The following PIK3C2B variants were observed in gnomAD, a reference collection of about 807,000 sequenced individuals.
PIK3C2B encodes phosphatidylinositol 4-phosphate 3-kinase C2 domain-containing subunit beta.
In PIK3C2B, 83 loss-of-function variants were observed where a neutral mutation model predicts 184.3. That is an observed-to-expected ratio of 0.45 (90% CI 0.38 to 0.54). The LOEUF is 0.54. PIK3C2B is among the 20% of genes least tolerant of loss of function. The probability of loss-of-function intolerance (pLI) is 0.00; values close to 1 mark genes in which losing one functional copy is unlikely to be tolerated. For missense variants in PIK3C2B, 1,736 were observed against 2,113.5 expected, an observed-to-expected ratio of 0.82 and a Z score of 3.50; for synonymous variants, 779 against 837.6, an observed-to-expected ratio of 0.93 and a Z score of 1.21.
intron 1 of PIK3C2B, among the ~76,000 whole-genome samples, chr1:204,473,989 CTTTT>C (rs71145092): frequency 1.7e-5 from 2 of 115,164 alleles, no homozygotes; most frequent in Non-Finnish European, 3.3e-5. Context: ...CTCCCCTTGA[CTTTT>C]TTTTTTTTTT....
intron 12 of PIK3C2B, 32 bp from the exon 13 acceptor site, chr1:204,450,049 G>A: frequency 6.6e-7 from 1 of 1,516,886 alleles, no homozygotes. Context: ...ATTAGGAGGG[G>A]CCACTCCTGT....
chr1:204,456,996 C>A, intron 10 of PIK3C2B, 41 bp downstream of exon 10: 1 of 1,546,450 alleles, frequency 6.5e-7, no homozygotes, highest in African/African-American at 1.4e-5. Context: ...CTGCAGTTTT[C>A]GGCAGCCCGA....
intron 2 of PIK3C2B, among the ~76,000 whole-genome samples, chr1:204,468,350 G>T (rs751279855): frequency 9.9e-5 from 15 of 152,216 alleles, no homozygotes; most frequent in Non-Finnish European, 2.9e-5. Flanking sequence ...GCTATTGCTT[G>T]CTGTGTGGCT....
chr1:204,447,000 G>A (rs566876302), intron 15 of PIK3C2B, among the ~76,000 whole-genome samples: 103 of 152,090 alleles, frequency 6.8e-4, no homozygotes, highest in African/African-American at 2.4e-3. Context: ...CCTGAGAGCT[G>A]CCAGCTTGCC....
Position 204,464,050 on chromosome 1 carries a change from A to G in PIK3C2B, c.1272T>C (p.Phe424=). 3 of 1,614,186 alleles carry G rather than the reference A, an allele frequency of 1.9e-6. No individual in the cohort carries two copies. Among genetic ancestry groups the G allele is most frequent in the South Asian group, 1.1e-5 (1 of 91,086 alleles). Residue 424 remains phenylalanine, a synonymous_variant, in exon 5 of 33, where the codon TTT becomes TTC. Transcript: ENST00000684373. ...CCTCCAGCCCGCAGGGCTTTAGCAC[A>G]AAGTCACCCACGTCCACATTCCTCA... ...DDLRNVDVGD[F]VLKPCGLEEF... is the part of the protein sequence containing the mutation.
rs552737516 is a variant in PIK3C2B, at chr1:204,424,506, T to A, written c.*346A>T. ...CATTTTTTAAAAATAAAAATTAAGATATCCACCCACCCACCCCCAAAATGC... is the reference window on the plus strand; with the variant it reads ...CATTTTTTAAAAATAAAAATTAAGAAATCCACCCACCCACCCCCAAAATGC... On this transcript the variant is annotated 3_prime_UTR_variant, in exon 33 of 33. Coordinates refer to ENST00000684373, the MANE Select transcript of PIK3C2B (RefSeq NM_001377334.1). 9 of 380,522 alleles carry A rather than the reference T, an allele frequency of 2.4e-5. No homozygotes were observed. The highest frequency in any genetic ancestry group is 1.7e-4 in the African/African-American group (8 of 47,872). 23.6% of individuals were successfully genotyped at this position (380,522 alleles called of 1,614,324 possible). A position where few individuals can be genotyped will look rare whatever the true frequency, so the allele number is the denominator to read the frequency against.
At chr1:204,490,929 T>C (rs529395790) in intron 1 of PIK3C2B, among the ~76,000 whole-genome samples, 1 of 152,320 alleles carries the variant, frequency 6.6e-6, no homozygotes, top group African/African-American at 2.4e-5. Context: ...GGCAGCAATA[T>C]GACTTGATCA....
At chr1:204,468,830 T>C (rs1643160893) in intron 2 of PIK3C2B, 40 bp downstream of exon 2, 35 of 1,495,746 alleles carry the variant, frequency 2.3e-5, no homozygotes, top group Non-Finnish European at 3.2e-5. Flanking sequence ...CTGAAGGACA[T>C]GGAGAAAGGA....
chr1:204,426,861 C>T (rs948430986), intron 31 of PIK3C2B, among the ~76,000 whole-genome samples: 4 of 152,136 alleles, frequency 2.6e-5, no homozygotes, highest in African/African-American at 9.7e-5. Flanking sequence ...CCTGGCTGGG[C>T]GTGGTGGCTC....
At chr1:204,463,357 A>T (rs1017119397) in intron 5 of PIK3C2B, among the ~76,000 whole-genome samples, 3 of 145,206 alleles carry the variant, frequency 2.1e-5, no homozygotes, top group Non-Finnish European at 3.0e-5. Context: ...AGAAGTGATA[A>T]CCTTGCCCCT....
chr1:204,431,793 TC>T lies in PIK3C2B; in HGVS notation c.4156-1del. 6.2e-7 allele frequency: 1 copy of T among 1,614,164 alleles called. No individual in the cohort carries two copies. Among genetic ancestry groups the T allele is most frequent in the Non-Finnish European group, 8.5e-7 (1 of 1,180,018 alleles). On this transcript the variant is annotated splice_acceptor_variant, in intron 27 of 32. Coordinates refer to ENST00000684373, the MANE Select transcript of PIK3C2B (RefSeq NM_001377334.1). LOFTEE classifies it high-confidence loss of function. The stretch of plus-strand genomic sequence containing the variant: ...TCTCGCATCACCTTTACCACATATA[TC>T]TGCAAAGGTCCAGATCTTAGGGTGT...
chr1:204,457,736 T>C lies in PIK3C2B; in HGVS notation c.1705A>G (p.Ile569Val). ...PPCPSRMQPK[I>V]QKDPSVLAVR... ...ACCCTGGGCCCCTTTACCTTCTGAA[T>C]TTTAGGCTGCATGCGGGAGGGGCAG... The change falls in exon 9 of 33, where the codon ATT becomes GTT. Residue 569 changes from isoleucine to valine, a missense_variant. By Grantham distance (29) the Ile-to-Val change is conservative. Around this residue, in one of 8 missense-constraint regions of PIK3C2B, gnomAD observed 609 missense variants for 699.2 expected, o/e 0.87. Coordinates refer to ENST00000684373, the MANE Select transcript of PIK3C2B (RefSeq NM_001377334.1). 1.2e-6 allele frequency: 2 copies of C among 1,606,846 alleles called. No homozygotes were observed. The highest frequency in any genetic ancestry group is 1.7e-6 in the Non-Finnish European group (2 of 1,177,086).
rs764541133 is a variant in PIK3C2B at position 204,459,955 on chromosome 1, G to A, written c.1503-14C>T. The A allele has an allele frequency of 7.4e-6, 12 of 1,612,768 alleles. No individual in the cohort carries two copies. Among genetic ancestry groups the A allele is most frequent in the Non-Finnish European group, 9.3e-6 (11 of 1,179,198 alleles). ...CTCAGGGCCTGCCTGGGAGTTGGGG[G>A]CAGGGAAAAACCACAGGAGAGGTCA... On this transcript the variant is annotated splice_polypyrimidine_tract_variant and intron_variant, in intron 7 of 32. Transcript: ENST00000684373.
At chr1:204,434,003 C>T (rs1675211149) in intron 24 of PIK3C2B, 54 bp from the exon 25 acceptor site, 4 of 1,439,688 alleles carry the variant, frequency 2.8e-6, no homozygotes, top group Non-Finnish European at 3.9e-6. Context: ...GGAAGCCCAC[C>T]ATATGGGCTG....
Position 204,460,333 on chromosome 1 carries a change from G to A in PIK3C2B, c.1493C>T (p.Thr498Ile). 6.2e-7 allele frequency: 1 copy of A among 1,613,170 alleles called. No individual in the cohort carries two copies. Among genetic ancestry groups the A allele is most frequent in the Non-Finnish European group, 8.5e-7 (1 of 1,179,188 alleles). Residue 498 changes from threonine to isoleucine, a missense_variant, in exon 7 of 33, where the codon ACC becomes ATC. Transcript: ENST00000684373. ...TGGTGCCCACACTCACCTGCTGATG[G>A]TCTGCTTGACAGGCCTCTCTTGGAG... ...VHLQERPVKQ[T>I]ISRQALSLLF...
intron 16 of PIK3C2B, among the ~76,000 whole-genome samples, chr1:204,445,601 CAAAA>C (rs11287807): frequency 1.6e-5 from 2 of 121,622 alleles, no homozygotes. Context: ...GACCCTGTCT[CAAAA>C]AAAAAAAAAA....
At chr1:204,474,718 C>A (rs900606840) in intron 1 of PIK3C2B, among the ~76,000 whole-genome samples, 1 of 152,092 alleles carries the variant, frequency 6.6e-6, no homozygotes, top group Non-Finnish European at 1.5e-5. Context: ...ATTCTTGTTT[C>A]CTATCCATAC....
chr1:204,457,203 G>A (rs2103499887), intron 9 of PIK3C2B, 133 bp from the exon 10 acceptor site: 1 of 700,844 alleles, frequency 1.4e-6, no homozygotes, highest in South Asian at 1.8e-5. Flanking sequence ...AGAATCCCCA[G>A]AGAGGAGAGA....
chr1:204,438,638 G>A (rs1177960895), intron 23 of PIK3C2B, among the ~76,000 whole-genome samples: 2 of 152,206 alleles, frequency 1.3e-5, no homozygotes, highest in African/African-American at 2.4e-5. Context: ...ACAACTGGGA[G>A]GGATACAGAT....
Sources: gnomAD v4.1 joint callset for allele counts (sites outside exome capture counted in the v4.1 genomes callset) on GRCh38, gnomAD v4.1.1 for gene constraint, gnomAD v4.1.1 regional missense constraint, MANE v1.5 for transcripts, NCBI Gene and HGNC (gene_info 2026-07-23, HGNC 2026-07-21) for gene names.